TOGARAM2: variants seen among roughly 807,000 people sequenced by gnomAD.
The protein encoded by TOGARAM2 is TOG array regulator of axonemal microtubules protein 2.
In TOGARAM2, 85 loss-of-function variants were observed where a neutral mutation model predicts 93.3. The observed-to-expected ratio is 0.91, with a 90% CI of 0.76 to 1.09. TOGARAM2 has a LOEUF of 1.09. TOGARAM2 is among the 50% of genes least tolerant of loss of function. TOGARAM2 has a pLI of 0.00. For synonymous variants in TOGARAM2, 593 were observed against 552.8 expected (o/e 1.07, Z -1.02); for missense variants, 1,277 against 1,334.5 (o/e 0.96, Z 0.67).
At chr2:28,968,984 A>G (rs1163683158) in intron 1 of TOGARAM2, among the ~76,000 whole-genome samples, 1 of 152,064 alleles carries the variant, frequency 6.6e-6, no homozygotes, top group Non-Finnish European at 1.5e-5. Context: ...TGCATCTAGG[A>G]TGAATGAGGC....
At chr2:29,045,572 A>G (rs937256671) in intron 19 of TOGARAM2, 162 bp downstream of exon 19, 1 of 659,244 alleles carries the variant, frequency 1.5e-6, no homozygotes, top group African/African-American at 1.8e-5. Flanking sequence ...CAATCTCCAT[A>G]TTGCCAGAAG....
At chr2:28,973,908 C>T (rs552306566) in intron 1 of TOGARAM2, among the ~76,000 whole-genome samples, 3 of 151,998 alleles carry the variant, frequency 2.0e-5, no homozygotes, top group Non-Finnish European at 2.9e-5. Context: ...GTCTTGATTT[C>T]GTCTTTATTT....
At chr2:28,997,611 T>A (rs1673057895) in intron 2 of TOGARAM2, among the ~76,000 whole-genome samples, 1 of 152,096 alleles carries the variant, frequency 6.6e-6, no homozygotes, top group African/African-American at 2.4e-5. Context: ...AGAGGGAAGA[T>A]CAGTGTAGGA....
At chr2:29,045,433 C>G (rs773089653) in intron 19 of TOGARAM2, 23 bp downstream of exon 19, 3 of 1,597,674 alleles carry the variant, frequency 1.9e-6, no homozygotes, top group East Asian at 4.5e-5. Flanking sequence ...AGCCCCACCC[C>G]ACCCCATCTC....
At chr2:28,960,624 G>A (rs1220193163) in intron 1 of TOGARAM2, among the ~76,000 whole-genome samples, 1 of 152,182 alleles carries the variant, frequency 6.6e-6, no homozygotes, top group Non-Finnish European at 1.5e-5. Context: ...TGCAGAATGA[G>A]CCACATGCTG....
chr2:29,043,539 T>A (rs2148393555), intron 18 of TOGARAM2, among the ~76,000 whole-genome samples: 1 of 129,460 alleles, frequency 7.7e-6, no homozygotes, highest in Admixed American at 8.7e-5. Flanking sequence ...GGTCAGCTCC[T>A]GGGTCCCAGG....
chr2:29,002,760 G>T lies in TOGARAM2; in HGVS notation c.639+13G>T. ...CGGTGCTCAGGAGGTAAGGTGGTTCGACTGCTGTGAGTCTGGTCCTCAGCT... is the reference window on the plus strand; with the variant it reads ...CGGTGCTCAGGAGGTAAGGTGGTTCTACTGCTGTGAGTCTGGTCCTCAGCT... On this transcript the variant is annotated intron_variant, in intron 5 of 19. Coordinates refer to ENST00000379558, the MANE Select transcript of TOGARAM2 (RefSeq NM_199280.4). 2 of 1,609,602 alleles carry T rather than the reference G, an allele frequency of 1.2e-6. No homozygotes were observed. The highest frequency in any genetic ancestry group is 1.1e-5 in the South Asian group (1 of 90,158).
rs1351656086 is a variant in TOGARAM2 at position 29,036,672 on chromosome 2, C to T, written c.2550C>T (p.Ile850=). ...ACCCCATGCTGCTCTCCATCATCAT[C>T]ACTGTTGCAGACAACCTCAACTCCA... The part of the protein sequence containing the change: ...SLHPMLLSII[I]TVADNLNSKN... Residue 850 remains isoleucine, a synonymous_variant, in exon 18 of 20, where the codon ATC becomes ATT. Coordinates refer to ENST00000379558, the MANE Select transcript of TOGARAM2 (RefSeq NM_199280.4). 1 of 1,613,890 alleles carries T rather than the reference C, an allele frequency of 6.2e-7. No individual in the cohort carries two copies. The highest frequency in any genetic ancestry group is 1.3e-5 in the African/African-American group (1 of 74,918).
intron 15 of TOGARAM2, among the ~76,000 whole-genome samples, 181 bp downstream of exon 15, chr2:29,033,232 T>C (rs989274145): frequency 1.4e-4 from 22 of 152,198 alleles, no homozygotes; most frequent in Non-Finnish European, 2.4e-4. Context: ...CACCTGGTTC[T>C]AACCTCACAC....
chr2:29,026,765 G>A, intron 13 of TOGARAM2, 88 bp from the exon 14 acceptor site: 1 of 1,349,442 alleles, frequency 7.4e-7, no homozygotes, highest in African/African-American at 1.5e-5. Flanking sequence ...TGAAGCATGG[G>A]TCTGCAATGG....
In TOGARAM2 at chr2:29,052,180, T is replaced by A. The variant is rs1488692422; in HGVS notation, c.*87T>A. 1 of 1,020,746 alleles carries A rather than the reference T, an allele frequency of 9.8e-7. No homozygotes were observed. The highest frequency in any genetic ancestry group is 1.6e-5 in the African/African-American group (1 of 60,696). The allele number at this position is 1,020,746 out of a possible 1,614,324, so 63.2% of individuals were successfully genotyped here. On this transcript the variant is annotated 3_prime_UTR_variant, in exon 20 of 20. Transcript: ENST00000379558. ...TTACTTTCCCCCTTAGAGTTCCAGA[T>A]GTACATGGTATATTTTGAAGTAGAA...
rs1367748052 is a variant in TOGARAM2, at chr2:29,006,204, CATGTGTTTGTGT to C, written c.830+2523_830+2534del. Among the ~76,000 whole-genome samples, 3 of 130,548 alleles carry C rather than the reference CATGTGTTTGTGT, an allele frequency of 2.3e-5. No homozygotes were observed. The East Asian group carries it at 7.1e-4, about 31-fold the overall frequency. 85.6% of individuals were successfully genotyped at this position (130,548 alleles called of 152,430 possible). On this transcript the variant is annotated intron_variant, in intron 6 of 19. Transcript: ENST00000379558. ...ACATGTGTGTGCATGTGTGTGAGTG[CATGTGTTTGTGT>C]GTGTGACTGTGTGTGAAGCCATTTG...
chr2:28,992,511 T>G (rs1672783871), intron 1 of TOGARAM2, among the ~76,000 whole-genome samples: 1 of 152,102 alleles, frequency 6.6e-6, no homozygotes, highest in African/African-American at 2.4e-5. Flanking sequence ...CTCTGACCAC[T>G]GAGGAGGCTA....
chr2:28,993,747 G>A (rs28560079), intron 1 of TOGARAM2, among the ~76,000 whole-genome samples: 62,454 of 152,038 alleles, frequency 0.41, 14,470 homozygotes, highest in Non-Finnish European at 0.53. Context: ...CCTGTGTTTG[G>A]GTTGAGGGTT....
At chr2:28,994,260 C>T (rs993397900) in intron 1 of TOGARAM2, among the ~76,000 whole-genome samples, 4 of 152,046 alleles carry the variant, frequency 2.6e-5, no homozygotes, top group Non-Finnish European at 4.4e-5. Context: ...GTCATGACCG[C>T]GCATCCTGAG....
In TOGARAM2 at chr2:29,052,167, T is replaced by G. The variant is rs1667112648; in HGVS notation, c.*74T>G. The G allele has an allele frequency of 8.2e-7, 1 of 1,215,738 alleles. No individual in the cohort carries two copies. The highest frequency in any genetic ancestry group is 1.1e-6 in the Non-Finnish European group (1 of 897,530). 75.3% of individuals were successfully genotyped at this position (1,215,738 alleles called of 1,614,324 possible). On this transcript the variant is annotated 3_prime_UTR_variant, in exon 20 of 20. Coordinates refer to ENST00000379558, the MANE Select transcript of TOGARAM2 (RefSeq NM_199280.4). Reference sequence around the variant, plus strand: ...ACTATTCTCCTGGTTACTTTCCCCCTTAGAGTTCCAGATGTACATGGTATA... The same window carrying G: ...ACTATTCTCCTGGTTACTTTCCCCCGTAGAGTTCCAGATGTACATGGTATA...
At chr2:29,015,018 C>CACTT (rs1321817670) in intron 8 of TOGARAM2, among the ~76,000 whole-genome samples, 1 of 152,208 alleles carries the variant, frequency 6.6e-6, no homozygotes, top group African/African-American at 2.4e-5. Context: ...GAATACCTCA[C>CACTT]ACTTCTCAGG....
chr2:29,010,426 G>C (rs146818375), intron 6 of TOGARAM2, among the ~76,000 whole-genome samples: 1 of 152,026 alleles, frequency 6.6e-6, no homozygotes, highest in Admixed American at 6.5e-5. Context: ...GGCGAATCCC[G>C]GCTGATCTAC....
At chr2:29,051,632 A>T (rs1207983102) in intron 19 of TOGARAM2, 124 bp from the exon 20 acceptor site, 3 of 672,514 alleles carry the variant, frequency 4.5e-6, no homozygotes, top group Non-Finnish European at 7.4e-6. Flanking sequence ...ATGTGTCATG[A>T]TCCTTAGTTG....
Sources: allele counts gnomAD v4.1 joint callset (sites outside exome capture counted in the v4.1 genomes callset), GRCh38; gene constraint gnomAD v4.1.1; transcripts MANE v1.5; gene names NCBI Gene and HGNC (gene_info 2026-07-23, HGNC 2026-07-21).